The following PRKN variants were observed in gnomAD, a reference collection of about 807,000 sequenced individuals.
PRKN encodes the protein parkin RBR E3 ubiquitin protein ligase.
Under a neutral mutation model 59.5 loss-of-function variants are expected in PRKN, and 56 were observed. The observed-to-expected ratio is 0.94, with a 90% CI of 0.76 to 1.18. The LOEUF (loss-of-function observed/expected upper bound fraction) is 1.18. PRKN is among the 50% of genes most tolerant of loss of function. PRKN has a pLI of 0.00. For synonymous variants in PRKN, 250 were observed against 222.1 expected (o/e 1.13, Z -1.12); for missense variants, 657 against 596.4 (o/e 1.10, Z -1.06).
chr6:162,444,376 A>G (rs377020986), intron 1 of PRKN, among the ~76,000 whole-genome samples: 1 of 151,996 alleles, frequency 6.6e-6, no homozygotes, highest in Non-Finnish European at 1.5e-5. Flanking sequence ...TTTAAGTCTC[A>G]CACTGTCGGC....
chr6:162,037,544 CT>C (rs543590715), intron 5 of PRKN, among the ~76,000 whole-genome samples: 574 of 137,096 alleles, frequency 4.2e-3, no homozygotes, highest in Middle Eastern at 7.6e-3. Flanking sequence ...TTACCCTCTG[CT>C]TTTTTTTTTT....
intron 8 of PRKN, among the ~76,000 whole-genome samples, chr6:161,564,683 C>T (rs553137578): frequency 2.6e-5 from 4 of 152,310 alleles, no homozygotes; most frequent in Non-Finnish European, 1.5e-5. Flanking sequence ...CATCAGCCTA[C>T]ACCATGCACT....
intron 6 of PRKN, among the ~76,000 whole-genome samples, chr6:161,920,559 A>T (rs894769297): frequency 6.6e-6 from 1 of 151,782 alleles, no homozygotes; most frequent in African/African-American, 2.4e-5. Flanking sequence ...GGGAGGCCGA[A>T]GTGGATCACG....
intron 2 of PRKN, among the ~76,000 whole-genome samples, chr6:162,290,507 G>A (rs1446452009): frequency 1.3e-5 from 2 of 151,992 alleles, no homozygotes; most frequent in African/African-American, 4.8e-5. Context: ...ATATTCAAAT[G>A]TCCATGTTAA....
intron 6 of PRKN, among the ~76,000 whole-genome samples, chr6:161,882,257 T>C (rs1794963547): frequency 6.6e-6 from 1 of 152,222 alleles, no homozygotes; most frequent in African/African-American, 2.4e-5. Context: ...TATTTTATTA[T>C]GTTGTCATTT....
chr6:161,853,762 G>A (rs1254743652), intron 6 of PRKN, among the ~76,000 whole-genome samples: 1 of 152,070 alleles, frequency 6.6e-6, no homozygotes, highest in Non-Finnish European at 1.5e-5. Context: ...TCAGAAACAC[G>A]ACAAGGAGAG....
chr6:162,240,724 A>C (rs1437434738), intron 3 of PRKN, among the ~76,000 whole-genome samples: 2 of 152,230 alleles, frequency 1.3e-5, no homozygotes, highest in East Asian at 3.8e-4. Context: ...ATCCCAGTGA[A>C]GAGTAAATGC....
At chr6:161,870,278 C>G (rs139460870) in intron 6 of PRKN, among the ~76,000 whole-genome samples, 1 of 152,240 alleles carries the variant, frequency 6.6e-6, no homozygotes. Context: ...AGAAGCCCCC[C>G]CACAGCTCAG....
chr6:162,338,084 T>C (rs1365023111), intron 2 of PRKN, among the ~76,000 whole-genome samples: 1 of 152,176 alleles, frequency 6.6e-6, no homozygotes, highest in African/African-American at 2.4e-5. Flanking sequence ...AATAACTCTG[T>C]ACTAGGACAG....
chr6:161,722,808 A>G (rs375757321), intron 7 of PRKN, among the ~76,000 whole-genome samples: 1 of 151,980 alleles, frequency 6.6e-6, no homozygotes, highest in East Asian at 1.9e-4. Context: ...CATTTTTACA[A>G]TTTTTCTTTA....
intron 1 of PRKN, among the ~76,000 whole-genome samples, chr6:162,654,180 G>A (rs982635520): frequency 2.6e-5 from 4 of 152,146 alleles, no homozygotes; most frequent in African/African-American, 9.6e-5. Flanking sequence ...TCTAACAGTC[G>A]AGCTTCCACA....
intron 7 of PRKN, among the ~76,000 whole-genome samples, chr6:161,604,508 A>T (rs997834214): frequency 2.0e-5 from 3 of 152,212 alleles, no homozygotes; most frequent in Non-Finnish European, 4.4e-5. Context: ...GGGTGGCCAG[A>T]ATCGAAGTCA....
chr6:162,237,210 A>G (rs1778772025), intron 3 of PRKN, among the ~76,000 whole-genome samples: 1 of 152,216 alleles, frequency 6.6e-6, no homozygotes, highest in Non-Finnish European at 1.5e-5. Flanking sequence ...TATGACTTGG[A>G]AAGATAAATT....
At chr6:162,541,316 G>A (rs1778918471) in intron 1 of PRKN, among the ~76,000 whole-genome samples, 1 of 152,214 alleles carries the variant, frequency 6.6e-6, no homozygotes, top group Non-Finnish European at 1.5e-5. Flanking sequence ...GACATTTCAG[G>A]AAGGCCTAAA....
chr6:162,235,958 G>GAAAGA (rs1562602229), intron 3 of PRKN, among the ~76,000 whole-genome samples: 17 of 92,620 alleles, frequency 1.8e-4, no homozygotes, highest in Admixed American at 5.8e-4. Context: ...AGGAAGAAAG[G>GAAAGA]AAGAAAGAAA....
intron 1 of PRKN, among the ~76,000 whole-genome samples, chr6:162,621,923 T>TC (rs1313905862): frequency 1.3e-5 from 2 of 152,172 alleles, no homozygotes; most frequent in African/African-American, 4.8e-5. Flanking sequence ...CAATTGATTC[T>TC]CCTGTCTCAG....
At chr6:162,217,848 A>G (rs1777753012) in intron 3 of PRKN, among the ~76,000 whole-genome samples, 1 of 152,186 alleles carries the variant, frequency 6.6e-6, no homozygotes, top group Non-Finnish European at 1.5e-5. Context: ...AGTAAGCAAT[A>G]TTCACCTTTC....
At chr6:162,050,814 A>C (rs903138972) in intron 5 of PRKN, among the ~76,000 whole-genome samples, 1 of 151,638 alleles carries the variant, frequency 6.6e-6, no homozygotes, top group African/African-American at 2.4e-5. Flanking sequence ...ACTTGAGGCC[A>C]CTCCCACCTC....
intron 9 of PRKN, among the ~76,000 whole-genome samples, chr6:161,493,484 G>A (rs1174868173): frequency 1.3e-5 from 2 of 152,142 alleles, no homozygotes; most frequent in Non-Finnish European, 2.9e-5. Flanking sequence ...ACACTCTACT[G>A]CCTCTGCTAA....
Sources: gnomAD v4.1 joint callset for allele counts (sites outside exome capture counted in the v4.1 genomes callset) on GRCh38, gnomAD v4.1.1 for gene constraint, MANE v1.5 for transcripts, NCBI Gene and HGNC (gene_info 2026-07-23, HGNC 2026-07-21) for gene names.